The following SDK1 variants were observed in gnomAD, a reference collection of about 807,000 sequenced individuals.
SDK1 encodes sidekick cell adhesion molecule 1.
SDK1 carries 157 observed loss-of-function variants against 245.5 expected under a neutral mutation model. The ratio of observed to expected loss-of-function variants is 0.64; its 90% CI spans 0.56 to 0.73. SDK1 has a LOEUF of 0.73. Ranked by LOEUF, SDK1 falls within the 30% of genes least tolerant of loss-of-function variation. SDK1 has a pLI of 0.00. For synonymous variants in SDK1, 1,647 were observed against 1,278.5 expected (o/e 1.29, Z -6.15); for missense variants, 3,583 against 3,002.3 (o/e 1.19, Z -4.52).
intron 4 of SDK1, among the ~76,000 whole-genome samples, chr7:3,757,917 C>A (rs756863644): frequency 3.3e-5 from 5 of 152,122 alleles, no homozygotes; most frequent in Admixed American, 6.5e-5. Flanking sequence ...TATCTAGGGG[C>A]CTGCCAAGAG....
intron 1 of SDK1, among the ~76,000 whole-genome samples, chr7:3,571,357 C>A (rs1463657624): frequency 1.3e-5 from 2 of 151,926 alleles, no homozygotes; most frequent in Non-Finnish European, 2.9e-5. Flanking sequence ...CGTGGGGGTG[C>A]AGTGGCACAA....
chr7:3,781,582 G>A (rs1035626461), intron 4 of SDK1, among the ~76,000 whole-genome samples: 2 of 152,116 alleles, frequency 1.3e-5, no homozygotes, highest in African/African-American at 4.8e-5. Context: ...CAAAGAAATG[G>A]AGATCTGTAA....
At chr7:3,588,011 T>C (rs893114970) in intron 1 of SDK1, among the ~76,000 whole-genome samples, 1 of 152,250 alleles carries the variant, frequency 6.6e-6, no homozygotes, top group Non-Finnish European at 1.5e-5. Flanking sequence ...GTAAATCAAT[T>C]CTTTGTAAAT....
chr7:3,497,464 T>G (rs921994554), intron 1 of SDK1, among the ~76,000 whole-genome samples: 5 of 152,220 alleles, frequency 3.3e-5, no homozygotes, highest in African/African-American at 1.2e-4. Flanking sequence ...GTGCTATGTG[T>G]AGCTTTCCAG....
intron 1 of SDK1, among the ~76,000 whole-genome samples, chr7:3,596,069 T>C (rs902363000): frequency 5.9e-5 from 9 of 151,950 alleles, no homozygotes; most frequent in Admixed American, 2.0e-4. Context: ...CAATAATTGT[T>C]AGGTAGCACA....
chr7:3,760,529 A>G lies in SDK1; in HGVS notation c.714-60921A>G, dbSNP rs1780067714. ...GGTCACGTTTTTATGTTTGCCAAAT[A>G]AATCTCTTTTTGTACATGTAAATAA... On this transcript the variant is annotated intron_variant, in intron 4 of 44. Coordinates refer to ENST00000404826, the MANE Select transcript of SDK1 (RefSeq NM_152744.4). Among the ~76,000 whole-genome samples the G allele has an allele frequency of 2.0e-5, 3 of 152,258 alleles. No individual in the cohort carries two copies. In the South Asian group the frequency reaches 6.2e-4, roughly 32 times the overall value.
At chr7:3,881,369 C>T (rs536689803) in intron 5 of SDK1, among the ~76,000 whole-genome samples, 4 of 152,150 alleles carry the variant, frequency 2.6e-5, no homozygotes, top group Non-Finnish European at 5.9e-5. Flanking sequence ...TTTTCTGTTC[C>T]TGCGTTGGTT....
At chr7:4,244,878 A>C (rs137918198) in intron 43 of SDK1, among the ~76,000 whole-genome samples, 1,636 of 152,272 alleles carry the variant, frequency 0.011, 11 homozygotes, top group Non-Finnish European at 0.017. Context: ...GAGGCCGCTC[A>C]TGGTCCCCTG....
At chr7:4,186,606 C>T (rs1029997316) in intron 35 of SDK1, among the ~76,000 whole-genome samples, 3 of 152,168 alleles carry the variant, frequency 2.0e-5, no homozygotes, top group African/African-American at 7.2e-5. Flanking sequence ...CTGGGGGCTT[C>T]TGGGGCCTAC....
chr7:3,577,702 G>C (rs756512534), intron 1 of SDK1, among the ~76,000 whole-genome samples: 1 of 152,036 alleles, frequency 6.6e-6, no homozygotes, highest in Non-Finnish European at 1.5e-5. Context: ...ACTGAGAACT[G>C]AGCCCTTGAA....
intron 40 of SDK1, among the ~76,000 whole-genome samples, chr7:4,225,571 C>T (rs1319625473): frequency 6.6e-6 from 1 of 152,216 alleles, no homozygotes; most frequent in East Asian, 1.9e-4. Flanking sequence ...TCATATGCTG[C>T]TCCGCCGGCT....
chr7:3,442,434 C>T (rs1467366789), intron 1 of SDK1, among the ~76,000 whole-genome samples: 1 of 152,178 alleles, frequency 6.6e-6, no homozygotes, highest in Non-Finnish European at 1.5e-5. Flanking sequence ...TTAACCCTTT[C>T]TGAAAGACAG....
intron 5 of SDK1, among the ~76,000 whole-genome samples, chr7:3,835,393 T>G (rs1780007670): frequency 6.6e-6 from 1 of 152,180 alleles, no homozygotes; most frequent in African/African-American, 2.4e-5. Flanking sequence ...CTGGATACAG[T>G]GGCTAAACCT....
chr7:3,534,715 A>T (rs1203647532), intron 1 of SDK1, among the ~76,000 whole-genome samples: 1 of 152,172 alleles, frequency 6.6e-6, no homozygotes. Flanking sequence ...TTAGGTAGAT[A>T]GTGAGGGTAT....
chr7:3,537,962 G>A (rs1008578538), intron 1 of SDK1, among the ~76,000 whole-genome samples: 1 of 152,216 alleles, frequency 6.6e-6, no homozygotes, highest in African/African-American at 2.4e-5. Flanking sequence ...CCTCCAGGGT[G>A]GAGAGGGCAG....
At chr7:3,642,165 T>A in intron 4 of SDK1, 60 bp downstream of exon 4, 2 of 1,528,736 alleles carry the variant, frequency 1.3e-6, no homozygotes, top group Non-Finnish European at 1.8e-6. Context: ...GCTGGCACCA[T>A]CTACACAGTA....
chr7:3,366,851 C>T (rs140428634), intron 1 of SDK1, among the ~76,000 whole-genome samples: 21 of 152,084 alleles, frequency 1.4e-4, no homozygotes, highest in Non-Finnish European at 2.8e-4. Context: ...AAGCAATTCT[C>T]CTGCCTCAGC....
Position 3,896,070 on chromosome 7 carries a change from T to C in SDK1, c.848-54853T>C, listed in dbSNP as rs147013826. Among the ~76,000 whole-genome samples, 49 of 152,370 alleles carry C rather than the reference T, an allele frequency of 3.2e-4. No homozygotes were observed. The East Asian group carries it at 9.2e-3, about 29-fold the overall frequency. On this transcript the variant is annotated intron_variant, in intron 5 of 44. Coordinates refer to ENST00000404826, the MANE Select transcript of SDK1 (RefSeq NM_152744.4). The stretch of plus-strand genomic sequence containing the variant: ...TTTGCTGTTGTTGGGTGGAGTGTTC[T>C]GTAAATATCAATTAGGTCAAGCTGG...
At chr7:3,924,882 C>T (rs1338443067) in intron 5 of SDK1, among the ~76,000 whole-genome samples, 1 of 152,138 alleles carries the variant, frequency 6.6e-6, no homozygotes, top group South Asian at 2.1e-4. Flanking sequence ...GGACGACTCA[C>T]TTGTCTGGTG....
Sources: gnomAD v4.1 joint callset for allele counts (sites outside exome capture counted in the v4.1 genomes callset) on GRCh38, gnomAD v4.1.1 for gene constraint, MANE v1.5 for transcripts, NCBI Gene and HGNC (gene_info 2026-07-23, HGNC 2026-07-21) for gene names.